Variants in TMTC4 observed in about 807,000 individuals in gnomAD.
TMTC4 encodes the protein protein O-mannosyl-transferase TMTC4.
A neutral mutation model predicts 86.0 loss-of-function variants in TMTC4; 65 were observed. The ratio of observed to expected loss-of-function variants is 0.76; its 90% CI spans 0.62 to 0.93. The LOEUF (loss-of-function observed/expected upper bound fraction) is 0.93, where lower values mean the gene tolerates loss of function less well. Ranked by LOEUF, TMTC4 falls within the 40% of genes least tolerant of loss-of-function variation. The pLI is 0.00. For synonymous variants in TMTC4, 379 were observed against 382.5 expected (o/e 0.99, Z 0.11); for missense variants, 866 against 948.1 (o/e 0.91, Z 1.14).
intron 12 of TMTC4, among the ~76,000 whole-genome samples, chr13:100,627,215 C>T (rs899795578): frequency 2.6e-5 from 4 of 152,140 alleles, no homozygotes; most frequent in East Asian, 3.9e-4. Context: ...TTGGAGAGCC[C>T]GGGAGGAGCA....
intron 3 of TMTC4, among the ~76,000 whole-genome samples, chr13:100,665,112 T>TA (rs1007404441): frequency 3.9e-5 from 6 of 152,060 alleles, no homozygotes; most frequent in East Asian, 1.9e-4. Flanking sequence ...CACTAAATAT[T>TA]AAAAAAAACA....
chr13:100,674,929 C>G, upstream of TMTC4: 1 of 985,442 alleles, frequency 1.0e-6, no homozygotes, highest in Non-Finnish European at 1.2e-6. Context: ...GGCCCGCCCC[C>G]TCCGCCCGAC....
In TMTC4 at chr13:100,636,544, C is replaced by T. The variant is rs773803736; in HGVS notation, c.1190G>A (p.Gly397Asp). The T allele has an allele frequency of 6.2e-7, 1 of 1,614,202 alleles. No homozygotes were observed. Reference protein sequence around the residue: ...LICQALCSEDGHKRRILTLGL... With the variant: ...LICQALCSEDDHKRRILTLGL... ...TGCTGCCTCTTACCTTCTCTTGTGGCCGTCTTCAGAGCACAGGGCTTGGCA... is the reference window on the plus strand; with the variant it reads ...TGCTGCCTCTTACCTTCTCTTGTGGTCGTCTTCAGAGCACAGGGCTTGGCA... The change falls in exon 10 of 19, where the codon GGC becomes GAC. Residue 397 changes from glycine to aspartate, a missense_variant. Physicochemically the swap from Gly to Asp is moderately conservative, Grantham distance 94. Coordinates refer to ENST00000342624, the MANE Select transcript of TMTC4 (RefSeq NM_032813.5).
At chr13:100,623,827 T>C in intron 15 of TMTC4, 1 of 446,290 alleles carries the variant, frequency 2.2e-6, no homozygotes, top group Non-Finnish European at 4.5e-6. Context: ...CTTGCCTTTG[T>C]GCGGCCAAAA....
intron 12 of TMTC4, among the ~76,000 whole-genome samples, chr13:100,634,453 C>T (rs976295405): frequency 6.6e-6 from 1 of 152,052 alleles, no homozygotes; most frequent in African/African-American, 2.4e-5. Context: ...GTGCTCTAGA[C>T]ATCAGAATCT....
chr13:100,641,688 T>A (rs1365533099), intron 7 of TMTC4, among the ~76,000 whole-genome samples: 2 of 152,168 alleles, frequency 1.3e-5, no homozygotes, highest in Non-Finnish European at 2.9e-5. Flanking sequence ...GGTTTCTCCA[T>A]GTTGGTCAGG....
At chr13:100,638,098 A>G in intron 7 of TMTC4, 76 bp from the exon 8 acceptor site, 1 of 1,126,580 alleles carries the variant, frequency 8.9e-7, no homozygotes, top group South Asian at 1.4e-5. Flanking sequence ...TCACAATTTC[A>G]TTACTCAATC....
intron 6 of TMTC4, among the ~76,000 whole-genome samples, chr13:100,646,479 A>C (rs966771112): frequency 2.6e-5 from 4 of 152,226 alleles, no homozygotes; most frequent in Non-Finnish European, 5.9e-5. Flanking sequence ...TGCTTCCAGC[A>C]GGGGGCCACC....
intron 1 of TMTC4, chr13:100,674,352 C>A: frequency 1.0e-6 from 1 of 977,562 alleles, no homozygotes. Flanking sequence ...CGGGGCCCCG[C>A]GGCCAGATGG....
At chr13:100,668,144 C>A (rs762503506) in intron 3 of TMTC4, among the ~76,000 whole-genome samples, 2 of 152,174 alleles carry the variant, frequency 1.3e-5, no homozygotes, top group Non-Finnish European at 2.9e-5. Context: ...AGCCAGCTCC[C>A]TGCCTGCTGC....
Position 100,663,175 on chromosome 13 carries a change from T to A in TMTC4, c.341A>T (p.Asn114Ile). The A allele has an allele frequency of 6.2e-7, 1 of 1,614,096 alleles. No homozygotes were observed. The highest frequency in any genetic ancestry group is 8.5e-7 in the Non-Finnish European group (1 of 1,180,010). ...RPLTVLTFRI[N>I]YYLSGGFHPV... ...GTGGAAGCCTCCCGAGAGGTAGTAG[T>A]TAATCCTGCAGAAACACAGGGTGTT... Residue 114 changes from asparagine to isoleucine, a missense_variant, in exon 5 of 19, where the codon AAC (asparagine) becomes ATC (isoleucine). Physicochemically the swap from Asn to Ile is moderately radical, Grantham distance 149 (BLOSUM62 -3). Coordinates refer to ENST00000342624, the MANE Select transcript of TMTC4 (RefSeq NM_032813.5).
intron 12 of TMTC4, among the ~76,000 whole-genome samples, chr13:100,627,002 G>A (rs1880648012): frequency 6.6e-6 from 1 of 152,180 alleles, no homozygotes; most frequent in African/African-American, 2.4e-5. Flanking sequence ...TCCGCCACGT[G>A]AGGACACAGT....
intron 17 of TMTC4, among the ~76,000 whole-genome samples, chr13:100,610,808 C>T (rs919606632): frequency 6.6e-6 from 1 of 152,202 alleles, no homozygotes; most frequent in Non-Finnish European, 1.5e-5. Flanking sequence ...AGAAGACTCG[C>T]TGTAGCTGGG....
intron 6 of TMTC4, among the ~76,000 whole-genome samples, chr13:100,655,447 G>A (rs1313208112): frequency 1.3e-5 from 2 of 152,154 alleles, no homozygotes; most frequent in African/African-American, 2.4e-5. Context: ...TGTAGTGAAC[G>A]TTAACAGTGA....
At chr13:100,673,412 C>T (rs1464352175) in intron 1 of TMTC4, 23 of 953,138 alleles carry the variant, frequency 2.4e-5, no homozygotes, top group Non-Finnish European at 2.9e-5. Context: ...AGCCTTTCTA[C>T]CTCATCTGTA....
chr13:100,649,664 G>A (rs556234095), intron 6 of TMTC4, among the ~76,000 whole-genome samples: 1 of 151,712 alleles, frequency 6.6e-6, no homozygotes, highest in South Asian at 2.1e-4. Context: ...TGCTCAGTGT[G>A]GACAAATACT....
chr13:100,644,579 A>C (rs1594322972), intron 6 of TMTC4, among the ~76,000 whole-genome samples: 1 of 152,000 alleles, frequency 6.6e-6, no homozygotes, highest in Non-Finnish European at 1.5e-5. Context: ...CAGCCTCCTC[A>C]CTCCCACACA....
intron 2 of TMTC4, 45 bp downstream of exon 2, chr13:100,670,311 TTCTG>T (rs1886926830): frequency 6.3e-7 from 1 of 1,595,910 alleles, no homozygotes; most frequent in Non-Finnish European, 8.5e-7. Flanking sequence ...TTCTATAGCC[TTCTG>T]TCTGAGTGAA....
At chr13:100,666,897 GGAGGATGGC>G (rs143144100) in intron 3 of TMTC4, among the ~76,000 whole-genome samples, 120 of 152,322 alleles carry the variant, frequency 7.9e-4, no homozygotes, top group African/African-American at 2.8e-3. Flanking sequence ...GGCTAAGATG[GGAGGATGGC>G]TTGAGCCCAG....
Sources: allele counts gnomAD v4.1 joint callset (sites outside exome capture counted in the v4.1 genomes callset), GRCh38; gene constraint gnomAD v4.1.1; transcripts MANE v1.5; gene names NCBI Gene and HGNC (gene_info 2026-07-23, HGNC 2026-07-21).